HFM1: variants seen among roughly 807,000 people sequenced by gnomAD.
HFM1 encodes the protein helicase for meiosis 1.
In HFM1, 169 loss-of-function variants were observed where a neutral mutation model predicts 192.1. The observed-to-expected ratio is 0.88, with a 90% CI of 0.78 to 1.00. The LOEUF (loss-of-function observed/expected upper bound fraction) is 1.00, where lower values mean the gene tolerates loss of function less well. Ranked by LOEUF, HFM1 falls within the 50% of genes least tolerant of loss-of-function variation. The pLI is 0.00. For synonymous variants in HFM1, 525 were observed against 537.8 expected, an observed-to-expected ratio of 0.98 and a Z score of 0.33; for missense variants, 1,661 against 1,668.0, an observed-to-expected ratio of 1.00 and a Z score of 0.07.
chr1:91,378,075 T>C lies in HFM1; in HGVS notation c.1345A>G (p.Ile449Val), dbSNP rs771548951. 1.2e-5 allele frequency: 19 copies of C among 1,612,328 alleles called. No individual in the cohort carries two copies. Among genetic ancestry groups the C allele is most frequent in the Non-Finnish European group, 1.4e-5 (17 of 1,178,858 alleles). Residue 449 changes from isoleucine (I) to valine (V), a missense_variant, in exon 11 of 39, where the codon ATT becomes GTT. By Grantham distance (29) the Ile-to-Val change is conservative (BLOSUM62 3). Coordinates refer to ENST00000370425, the MANE Select transcript of HFM1 (RefSeq NM_001017975.6). The part of the protein sequence containing the change: ...SQTLKNTSTA[I>V]PMRFVAVSAT... The stretch of plus-strand genomic sequence containing the variant: ...GATACAGCTACAAATCGCATTGGAA[T>C]AGCAGTGCTGGTATTTTTTAAAGTC...
intron 3 of HFM1, among the ~76,000 whole-genome samples, chr1:91,395,861 T>C (rs1663600975): frequency 6.6e-6 from 1 of 151,336 alleles, no homozygotes; most frequent in South Asian, 2.1e-4. Context: ...CTTTTTTTTT[T>C]TTTTTGAGAC....
At chr1:91,295,151 T>C (rs560478002) in intron 30 of HFM1, among the ~76,000 whole-genome samples, 1 of 152,288 alleles carries the variant, frequency 6.6e-6, no homozygotes, top group South Asian at 2.1e-4. Flanking sequence ...GGTTCCTGAC[T>C]TTTTGGATAT....
intron 13 of HFM1, among the ~76,000 whole-genome samples, chr1:91,361,783 C>A (rs1484362869): frequency 6.6e-6 from 1 of 152,124 alleles, no homozygotes; most frequent in Non-Finnish European, 1.5e-5. Context: ...CCTTAATGAA[C>A]ACTGATGCAA....
chr1:91,262,211 A>C, intron 38 of HFM1, 30 bp downstream of exon 38: 1 of 1,042,266 alleles, frequency 9.6e-7, no homozygotes, highest in Non-Finnish European at 1.4e-6. Context: ...TTATTGATAT[A>C]ATCTTAAAGT....
intron 30 of HFM1, among the ~76,000 whole-genome samples, chr1:91,292,456 CT>C (rs1668882980): frequency 6.8e-6 from 1 of 147,576 alleles, no homozygotes; most frequent in Non-Finnish European, 1.5e-5. Context: ...TTCACAATTG[CT>C]TCAAAGAGAA....
chr1:91,370,655 G>C (rs282045), intron 13 of HFM1, among the ~76,000 whole-genome samples: 2 of 151,386 alleles, frequency 1.3e-5, no homozygotes, highest in Non-Finnish European at 2.9e-5. Context: ...GCAAAAACTG[G>C]AAGCATTCCC....
intron 13 of HFM1, among the ~76,000 whole-genome samples, chr1:91,370,541 C>T (rs1462739298): frequency 6.6e-6 from 1 of 152,054 alleles, no homozygotes; most frequent in Non-Finnish European, 1.5e-5. Context: ...AATTCAACAA[C>T]CCTTCATGCT....
At chr1:91,350,356 T>C (rs755967492) in intron 18 of HFM1, among the ~76,000 whole-genome samples, 1 of 152,136 alleles carries the variant, frequency 6.6e-6, no homozygotes, top group Non-Finnish European at 1.5e-5. Context: ...TTTCATTTCT[T>C]ATAAACTGAA....
intron 21 of HFM1, among the ~76,000 whole-genome samples, 199 bp from the exon 22 acceptor site, chr1:91,323,398 T>C (rs1191678407): frequency 6.6e-6 from 1 of 152,114 alleles, no homozygotes; most frequent in East Asian, 1.9e-4. Flanking sequence ...TACAAACTCC[T>C]ATTATATACC....
intron 2 of HFM1, among the ~76,000 whole-genome samples, chr1:91,397,561 G>A (rs1663811738): frequency 6.6e-6 from 1 of 152,156 alleles, no homozygotes; most frequent in South Asian, 2.1e-4. Context: ...CGAGCACCTA[G>A]CACATAGCTA....
intron 18 of HFM1, among the ~76,000 whole-genome samples, chr1:91,349,343 T>G (rs937404063): frequency 6.6e-6 from 1 of 151,882 alleles, no homozygotes; most frequent in African/African-American, 2.4e-5. Context: ...GAGATGAACT[T>G]AATCCCTCTC....
At chr1:91,335,568 C>A (rs1654449009) in intron 20 of HFM1, among the ~76,000 whole-genome samples, 1 of 152,054 alleles carries the variant, frequency 6.6e-6, no homozygotes, top group Non-Finnish European at 1.5e-5. Flanking sequence ...AATAAAGAAA[C>A]AACTTGCTAT....
chr1:91,261,421 C>G, intron 38 of HFM1, 62 bp from the exon 39 acceptor site: 1 of 711,284 alleles, frequency 1.4e-6, no homozygotes, highest in East Asian at 3.2e-5. Flanking sequence ...TTAAAATACA[C>G]AATAAATAAT....
chr1:91,358,034 T>C (rs1380777137), intron 13 of HFM1, among the ~76,000 whole-genome samples: 3 of 152,124 alleles, frequency 2.0e-5, no homozygotes, highest in Admixed American at 2.0e-4. Context: ...GAAGTACAGA[T>C]TCAATACAAT....
Position 91,378,489 on chromosome 1 carries a change from A to G in HFM1, c.1159-9T>C, listed in dbSNP as rs1436748860. On this transcript the variant is annotated splice_polypyrimidine_tract_variant and intron_variant, in intron 9 of 38. Coordinates refer to ENST00000370425, the MANE Select transcript of HFM1 (RefSeq NM_001017975.6). ...ATGCTATCCCATTTTTCCTAGAGAG[A>G]AAAAAAAGCATACAAGTAGTTTAAT... is the stretch of plus-strand genomic sequence containing the variant. 1.3e-6 allele frequency: 2 copies of G among 1,514,990 alleles called. No individual in the cohort carries two copies. Among genetic ancestry groups the G allele is most frequent in the Non-Finnish European group, 1.8e-6 (2 of 1,096,440 alleles). The allele number at this position is 1,514,990 out of a possible 1,614,324, so 93.8% of individuals were successfully genotyped here.
chr1:91,343,230 C>CAAA (rs34902756), intron 20 of HFM1, among the ~76,000 whole-genome samples, 200 bp downstream of exon 20: 3,026 of 74,170 alleles, frequency 0.041, 357 homozygotes, highest in Middle Eastern at 0.071. Context: ...GACTCTGTCT[C>CAAA]AAAAAAAAAA....
chr1:91,399,266 CT>C (rs1221239495), intron 2 of HFM1, among the ~76,000 whole-genome samples: 2 of 152,096 alleles, frequency 1.3e-5, no homozygotes, highest in African/African-American at 4.8e-5. Context: ...GTATTATAGT[CT>C]GCCTTGAGCT....
chr1:91,290,722 C>A (rs1668647131), intron 30 of HFM1, among the ~76,000 whole-genome samples: 1 of 152,260 alleles, frequency 6.6e-6, no homozygotes, highest in Admixed American at 6.5e-5. Context: ...CTACAGAACT[C>A]TCCACCCCAA....
At chr1:91,293,480 A>G (rs1361142881) in intron 30 of HFM1, among the ~76,000 whole-genome samples, 1 of 151,972 alleles carries the variant, frequency 6.6e-6, no homozygotes, top group Non-Finnish European at 1.5e-5. Context: ...AGAGAAATGC[A>G]AATCAAAACC....
Sources: gnomAD v4.1 joint callset for allele counts (sites outside exome capture counted in the v4.1 genomes callset) on GRCh38, gnomAD v4.1.1 for gene constraint, MANE v1.5 for transcripts, NCBI Gene and HGNC (gene_info 2026-07-23, HGNC 2026-07-21) for gene names.